PECAM1: variants seen among roughly 807,000 people sequenced by gnomAD.
The protein encoded by PECAM1 is platelet and endothelial cell adhesion molecule 1.
A neutral mutation model predicts 13.8 loss-of-function variants in PECAM1; 8 were observed. The ratio of observed to expected loss-of-function variants is 0.58; its 90% confidence interval spans 0.34 to 1.05. PECAM1 has a LOEUF of 1.05. Ranked by LOEUF, PECAM1 falls within the 50% of genes least tolerant of loss-of-function variation. The pLI, the probability that PECAM1 is intolerant of heterozygous loss-of-function variation, is 0.03. For missense variants in PECAM1, 304 were observed against 141.2 expected, an observed-to-expected ratio of 2.15 and a Z score of -5.84; for synonymous variants, 136 against 52.6, an observed-to-expected ratio of 2.58 and a Z score of -6.86.
In PECAM1 at chr17:64,322,061, C is replaced by T; in HGVS notation, c.*1755G>A. On this transcript the variant is annotated 3_prime_UTR_variant, in exon 16 of 16. Coordinates refer to ENST00000563924, the MANE Select transcript of PECAM1 (RefSeq NM_000442.5). ...GTGTGTTGGGGAAAGGAACCAACAG[C>T]TTTCATCATATTGTCAAAAGAGTCT... 1 of 1,145,490 alleles carries T rather than the reference C, an allele frequency of 8.7e-7. No homozygotes were observed. The highest frequency in any genetic ancestry group is 3.7e-5 in the Admixed American group (1 of 27,274). The allele number at this position is 1,145,490 out of a possible 1,614,324, so 71.0% of individuals were successfully genotyped here. A position where few individuals can be genotyped will look rare whatever the true frequency, so the allele number is the denominator to read the frequency against.
chr17:64,380,849 T>C (rs911347433), intron 2 of PECAM1, among the ~76,000 whole-genome samples: 44 of 152,156 alleles, frequency 2.9e-4, no homozygotes, highest in African/African-American at 8.9e-4. Context: ...TAGCCAGGCA[T>C]TGTGGCATGC....
intron 14 of PECAM1, among the ~76,000 whole-genome samples, chr17:64,332,660 C>G (rs529223788): frequency 6.6e-6 from 1 of 152,322 alleles, no homozygotes; most frequent in South Asian, 2.1e-4. Context: ...GGGACTGATC[C>G]TCAAGTGCTC....
Position 64,348,501 on chromosome 17 carries a change from G to A in PECAM1, c.2045-179C>T, listed in dbSNP as rs1180871417. Among the ~76,000 whole-genome samples, 9 of 149,040 alleles carry A rather than the reference G, an allele frequency of 6.0e-5. No individual in the cohort carries two copies. The South Asian group carries it at 1.7e-3, about 28-fold the overall frequency. Reference sequence around the variant, plus strand: ...CAGCTCACTGCAACCTCCACCTCCCGGGTTCAAGTGATTCTCCTGCCTAAG... The same window carrying A: ...CAGCTCACTGCAACCTCCACCTCCCAGGTTCAAGTGATTCTCCTGCCTAAG... On this transcript the variant is annotated intron_variant, in intron 12 of 15. Coordinates refer to ENST00000563924, the MANE Select transcript of PECAM1 (RefSeq NM_000442.5).
intron 13 of PECAM1, 110 bp from the exon 14 acceptor site, chr17:64,341,800 C>A: frequency 2.5e-6 from 1 of 403,830 alleles, no homozygotes; most frequent in Non-Finnish European, 4.5e-6. Context: ...TACCCCACCA[C>A]TGCACCCCAC....
In PECAM1 at chr17:64,321,504, T is replaced by G; in HGVS notation, c.*2312A>C. 1.0e-6 allele frequency: 1 copy of G among 971,822 alleles called. No homozygotes were observed. The highest frequency in any genetic ancestry group is 1.2e-6 in the Non-Finnish European group (1 of 807,462). 60.2% of individuals were successfully genotyped at this position (971,822 alleles called of 1,614,324 possible). A position where few individuals can be genotyped will look rare whatever the true frequency, so the allele number is the denominator to read the frequency against. Reference sequence around the variant, plus strand: ...CGGGGGCGGTGGCTCATGCCTGCAATCCCAGCACTTTGCGAGGCCAAGGAG... The same window carrying G: ...CGGGGGCGGTGGCTCATGCCTGCAAGCCCAGCACTTTGCGAGGCCAAGGAG... On this transcript the variant is annotated 3_prime_UTR_variant, in exon 16 of 16. Transcript: ENST00000563924.
intron 13 of PECAM1, among the ~76,000 whole-genome samples, chr17:64,344,975 C>A (rs921097183): frequency 6.6e-6 from 1 of 152,156 alleles, no homozygotes; most frequent in African/African-American, 2.4e-5. Context: ...ACATGCTGAC[C>A]GCCTCTGCTT....
chr17:64,355,796 G>A (rs1010300122), intron 8 of PECAM1, among the ~76,000 whole-genome samples: 3 of 152,134 alleles, frequency 2.0e-5, no homozygotes, highest in South Asian at 2.1e-4. Flanking sequence ...TCTGTTCTGC[G>A]TGACCCAATC....
intron 8 of PECAM1, among the ~76,000 whole-genome samples, chr17:64,355,607 G>A (rs1289514146): frequency 2.0e-5 from 3 of 152,178 alleles, no homozygotes; most frequent in African/African-American, 7.2e-5. Flanking sequence ...TTACAGGTAT[G>A]AGCCACTGCG....
Position 64,360,275 on chromosome 17 carries a change from T to C in PECAM1, c.1357A>G (p.Asn453Asp). The C allele has an allele frequency of 6.3e-6, 3 of 475,380 alleles. No homozygotes were observed. The highest frequency in any genetic ancestry group is 3.9e-5 in the African/African-American group (2 of 50,634). 29.4% of individuals were successfully genotyped at this position (475,380 alleles called of 1,614,324 possible). Residue 453 changes from asparagine (N) to aspartate (D), a missense_variant, in exon 7 of 16, where the codon AAT becomes GAT. By Grantham distance (23) the Asn-to-Asp change is conservative (BLOSUM62 1). Coordinates refer to ENST00000563924, the MANE Select transcript of PECAM1 (RefSeq NM_000442.5). ...GGATCATTTGAGTTCTTGGTACTAT[T>C]CTCCAAAACTTTACTTGTTTTTAAA... is the stretch of plus-strand genomic sequence containing the variant. ...QLLKTSKVLENSTKNSNDPAV... is the reference protein window; with the variant it reads ...QLLKTSKVLEDSTKNSNDPAV...
At chr17:64,329,982 C>G (rs1277629502) in intron 14 of PECAM1, among the ~76,000 whole-genome samples, 3 of 151,612 alleles carry the variant, frequency 2.0e-5, no homozygotes, top group Non-Finnish European at 4.4e-5. Flanking sequence ...TTTTTTGAGA[C>G]AGAGTCTCGC....
chr17:64,336,338 T>C (rs2035275625), intron 14 of PECAM1, among the ~76,000 whole-genome samples: 1 of 151,370 alleles, frequency 6.6e-6, no homozygotes, highest in African/African-American at 2.4e-5. Flanking sequence ...TGGGGAAGAC[T>C]TGAACAAAGA....
intron 7 of PECAM1, among the ~76,000 whole-genome samples, chr17:64,357,179 G>A (rs2035865572): frequency 6.6e-6 from 1 of 151,940 alleles, no homozygotes; most frequent in African/African-American, 2.4e-5. Flanking sequence ...TTATTCACTG[G>A]TTATTCTTTG....
intron 5 of PECAM1, among the ~76,000 whole-genome samples, chr17:64,369,297 G>A (rs1036386396): frequency 3.9e-5 from 6 of 152,226 alleles, no homozygotes; most frequent in East Asian, 1.9e-4. Flanking sequence ...TAGGACCCAC[G>A]TCTGGGATCT....
intron 2 of PECAM1, 62 bp from the exon 3 acceptor site, chr17:64,378,179 G>A (rs898840700): frequency 1.9e-4 from 81 of 436,022 alleles, no homozygotes; most frequent in Middle Eastern, 6.1e-4. Flanking sequence ...TCATCCCGGT[G>A]ACCTTCACCA....
chr17:64,369,675 G>T, intron 5 of PECAM1, 75 bp downstream of exon 5: 1 of 398,146 alleles, frequency 2.5e-6, no homozygotes, highest in South Asian at 1.3e-4. Flanking sequence ...AGCTCTCTTT[G>T]GCCATGCTGG....
chr17:64,373,115 A>ATAAG, intron 4 of PECAM1, among the ~76,000 whole-genome samples: 1 of 146,586 alleles, frequency 6.8e-6, no homozygotes, highest in East Asian at 2.0e-4. Context: ...TCTGTCTCAA[A>ATAAG]TAAATAAATA....
In PECAM1 at chr17:64,363,349, T is replaced by C; in HGVS notation, c.1016A>G (p.Gln339Arg). 2.1e-6 allele frequency: 1 copy of C among 475,406 alleles called. No individual in the cohort carries two copies. 29.4% of individuals were successfully genotyped at this position (475,406 alleles called of 1,614,324 possible). A position where few individuals can be genotyped will look rare whatever the true frequency, so the allele number is the denominator to read the frequency against. ...GCAGGACAGGTTCAGTCTTTCACCT[T>C]GGTCCAGATGTGTGAAGGAAGATTC... ...ELESSFTHLD[Q>R]GERLNLSCSI... The change falls in exon 6 of 16, where the codon CAA becomes CGA. Residue 339 changes from glutamine (Q) to arginine (R), a missense_variant. Transcript: ENST00000563924.
chr17:64,336,941 A>T (rs2035295110), intron 14 of PECAM1, among the ~76,000 whole-genome samples: 1 of 152,040 alleles, frequency 6.6e-6, no homozygotes, highest in African/African-American at 2.4e-5. Flanking sequence ...GAAAGAGAAA[A>T]GGAAAGAAAG....
At chr17:64,349,906 A>G (rs991720847) in intron 12 of PECAM1, among the ~76,000 whole-genome samples, 34 of 152,146 alleles carry the variant, frequency 2.2e-4, no homozygotes, top group African/African-American at 8.0e-4. Context: ...CAAAAAAAAG[A>G]AAGAAAGGAA....
Sources: allele counts gnomAD v4.1 joint callset (sites outside exome capture counted in the v4.1 genomes callset), GRCh38; gene constraint gnomAD v4.1.1; transcripts MANE v1.5; gene names NCBI Gene and HGNC (gene_info 2026-07-23, HGNC 2026-07-21).